Variants in CORIN observed in about 807,000 individuals in gnomAD.
The protein encoded by CORIN is corin, serine peptidase.
CORIN carries 117 observed loss-of-function variants against 125.3 expected under a neutral mutation model. That is an observed-to-expected ratio of 0.93 (90% confidence interval 0.80 to 1.09). The LOEUF is 1.09. CORIN is among the 50% of genes least tolerant of loss of function. The pLI is 0.00. For synonymous variants in CORIN, 450 were observed against 466.4 expected (o/e 0.96, Z 0.45); for missense variants, 1,253 against 1,306.7 (o/e 0.96, Z 0.63).
chr4:47,732,722 C>A (rs1204063573), intron 5 of CORIN, among the ~76,000 whole-genome samples: 1 of 152,166 alleles, frequency 6.6e-6, no homozygotes, highest in Non-Finnish European at 1.5e-5. Context: ...CGCCACCACG[C>A]CCGGCTTTTT....
At position 47,806,964 on chromosome 4, in the gene CORIN, C is replaced by T. The variant is rs1176723857; in HGVS notation, c.147G>A (p.Leu49=). 7.4e-6 allele frequency: 12 copies of T among 1,613,732 alleles called. No homozygotes were observed. The highest frequency in any genetic ancestry group is 8.5e-6 in the Non-Finnish European group (10 of 1,179,830). The change falls in exon 2 of 22, where the codon CTG becomes CTA. Residue 49 remains leucine (L), a synonymous_variant. Coordinates refer to ENST00000273857, the MANE Select transcript of CORIN (RefSeq NM_006587.4). The stretch of plus-strand genomic sequence containing the variant: ...GAGCACAGATACATGGAATCAGGAC[C>T]AGCAATAGGAACCGGAGGAGGTTAG... ...ATANLLRFLL[L]VLIPCICALV...
intron 13 of CORIN, among the ~76,000 whole-genome samples, chr4:47,649,133 T>C (rs1723620532): frequency 6.6e-6 from 1 of 152,188 alleles, no homozygotes; most frequent in African/African-American, 2.4e-5. Flanking sequence ...CCTGAGTCAC[T>C]TCCCACTCTT....
At position 47,645,133 on chromosome 4, in the gene CORIN, C is replaced by G. The variant is rs1289115219; in HGVS notation, c.1905G>C (p.Val635=). The G allele has an allele frequency of 1.2e-6, 2 of 1,613,316 alleles. No individual in the cohort carries two copies. The highest frequency in any genetic ancestry group is 8.5e-7 in the Non-Finnish European group (1 of 1,179,614). Residue 635 remains valine, a synonymous_variant, in exon 14 of 22, where the codon GTG becomes GTC. Transcript: ENST00000273857. ...GGCAGTCTGGGAACCCATCGCAGAT[C>G]ACTGTGTGCTTCAAACATTGTTTAT... is the stretch of plus-strand genomic sequence containing the variant. ...PSNKQCLKHT[V]ICDGFPDCPD... is the part of the protein sequence containing the mutation.
chr4:47,713,414 G>C (rs888189114), intron 5 of CORIN, among the ~76,000 whole-genome samples: 1 of 152,260 alleles, frequency 6.6e-6, no homozygotes, highest in African/African-American at 2.4e-5. Flanking sequence ...AACAACTGAA[G>C]CTTATCTACT....
At chr4:47,804,744 G>GGGGGGGGGGGGGGGGGGGGC (rs1731696897) in intron 2 of CORIN, among the ~76,000 whole-genome samples, 1 of 131,182 alleles carries the variant, frequency 7.6e-6, no homozygotes, top group Non-Finnish European at 1.6e-5. Flanking sequence ...GGAGGGGGGG[G>GGGGGGGGGGGGGGGGGGGGC]GTTGTTAATG....
intron 11 of CORIN, among the ~76,000 whole-genome samples, chr4:47,662,481 C>T (rs1236115778): frequency 1.3e-5 from 2 of 152,042 alleles, no homozygotes; most frequent in Non-Finnish European, 2.9e-5. Context: ...TGCTTTCGTG[C>T]GTATTATGTC....
chr4:47,766,747 A>G (rs1029222109), intron 3 of CORIN, among the ~76,000 whole-genome samples: 14 of 152,020 alleles, frequency 9.2e-5, no homozygotes, highest in African/African-American at 2.7e-4. Context: ...GGAGTTCGAG[A>G]CCACCCTGGC....
chr4:47,653,492 T>C (rs181716855), intron 13 of CORIN, 61 bp downstream of exon 13: 1 of 1,352,728 alleles, frequency 7.4e-7, no homozygotes, highest in East Asian at 2.3e-5. Context: ...TTTAACACAG[T>C]TTCTTATTTT....
At chr4:47,617,415 C>T (rs1443545736) in intron 19 of CORIN, among the ~76,000 whole-genome samples, 1 of 152,180 alleles carries the variant, frequency 6.6e-6, no homozygotes, top group African/African-American at 2.4e-5. Context: ...TTTCTGAAAG[C>T]CCCCCAAAAC....
intron 1 of CORIN, among the ~76,000 whole-genome samples, chr4:47,833,688 A>T (rs1733198288): frequency 6.6e-6 from 1 of 152,204 alleles, no homozygotes; most frequent in East Asian, 1.9e-4. Flanking sequence ...AACATATATA[A>T]GGAACTCCTT....
At chr4:47,705,850 G>A (rs575611176) in intron 5 of CORIN, among the ~76,000 whole-genome samples, 3 of 152,114 alleles carry the variant, frequency 2.0e-5, no homozygotes, top group South Asian at 4.1e-4. Flanking sequence ...AGTGCCCCCC[G>A]TGTGTAACAG....
intron 2 of CORIN, among the ~76,000 whole-genome samples, chr4:47,790,426 G>A (rs1345785087): frequency 6.6e-6 from 1 of 152,152 alleles, no homozygotes; most frequent in Non-Finnish European, 1.5e-5. Flanking sequence ...TGGCTAGCAG[G>A]ACTGTCATTT....
chr4:47,635,322 T>A (rs966171950), intron 16 of CORIN, among the ~76,000 whole-genome samples: 3 of 152,160 alleles, frequency 2.0e-5, no homozygotes, highest in Non-Finnish European at 4.4e-5. Context: ...TAAAAAACTA[T>A]TTTGGATACT....
intron 5 of CORIN, among the ~76,000 whole-genome samples, chr4:47,731,928 T>C (rs1727893855): frequency 6.6e-6 from 1 of 151,860 alleles, no homozygotes; most frequent in South Asian, 2.1e-4. Flanking sequence ...TACTGAGAAC[T>C]ACTATGGGAT....
intron 20 of CORIN, 42 bp downstream of exon 20, chr4:47,603,354 TG>T (rs1394366034): frequency 6.3e-7 from 1 of 1,581,394 alleles, no homozygotes. Flanking sequence ...CTCTCAGGTA[TG>T]TGCTTATAGC....
intron 16 of CORIN, among the ~76,000 whole-genome samples, chr4:47,634,049 C>A (rs9918070): frequency 6.6e-6 from 1 of 151,720 alleles, no homozygotes; most frequent in Non-Finnish European, 1.5e-5. Flanking sequence ...TTTAAAAATG[C>A]CTAAAATAGT....
chr4:47,828,437 T>C (rs1732832013), intron 1 of CORIN, among the ~76,000 whole-genome samples: 1 of 152,178 alleles, frequency 6.6e-6, no homozygotes, highest in Admixed American at 6.5e-5. Context: ...GCCTGTGTGA[T>C]GAACAAAATC....
Position 47,667,139 on chromosome 4 carries a change from T to G in CORIN, c.1358-1876A>C, listed in dbSNP as rs187169787. Among the ~76,000 whole-genome samples, 385 of 152,316 alleles carry G rather than the reference T, an allele frequency of 2.5e-3. 2 individuals carry two copies. The highest frequency in any genetic ancestry group is 2.6e-3 in the Non-Finnish European group (177 of 68,024). Reference sequence around the variant, plus strand: ...GATGATTTTATAAGGGGTTTCACCTTTCACTTGGCTCTCATTCTTCTCTTG... The same window carrying G: ...GATGATTTTATAAGGGGTTTCACCTGTCACTTGGCTCTCATTCTTCTCTTG... On this transcript the variant is annotated intron_variant, in intron 10 of 21. Transcript: ENST00000273857.
intron 1 of CORIN, among the ~76,000 whole-genome samples, chr4:47,822,266 G>A (rs1732547627): frequency 6.6e-6 from 1 of 152,094 alleles, no homozygotes; most frequent in Admixed American, 6.5e-5. Flanking sequence ...CTTTTCTTCT[G>A]ACCCGTTTGA....
Sources: gnomAD v4.1 joint callset for allele counts (sites outside exome capture counted in the v4.1 genomes callset) on GRCh38, gnomAD v4.1.1 for gene constraint, MANE v1.5 for transcripts, NCBI Gene and HGNC (gene_info 2026-07-23, HGNC 2026-07-21) for gene names.